PI4KA: variants seen among roughly 807,000 people sequenced by gnomAD.
PI4KA encodes the protein phosphatidylinositol 4-kinase alpha, also known as PI4-kinase alpha.
Under a neutral mutation model 271.4 loss-of-function variants are expected in PI4KA, and 122 were observed. That is an observed-to-expected ratio of 0.45 (90% CI 0.39 to 0.52). PI4KA has a LOEUF of 0.52. Ranked by LOEUF, PI4KA falls within the 20% of genes least tolerant of loss-of-function variation. The pLI, the probability that PI4KA is intolerant of heterozygous loss-of-function variation, is 0.00. For missense variants in PI4KA, 1,969 were observed against 2,769.1 expected, an observed-to-expected ratio of 0.71 and a Z score of 6.48; for synonymous variants, 1,041 against 1,078.8, an observed-to-expected ratio of 0.96 and a Z score of 0.69.
rs768544870 is a variant in PI4KA at position 20,805,145 on chromosome 22, T to G, written c.1189A>C (p.Lys397Gln). 1 of 1,613,822 alleles carries G rather than the reference T, an allele frequency of 6.2e-7. No individual in the cohort carries two copies. The highest frequency in any genetic ancestry group is 1.7e-5 in the Admixed American group (1 of 60,014). Residue 397 changes from lysine to glutamine, a missense_variant, in exon 11 of 55, where the codon AAG becomes CAG. By Grantham distance (53) the Lys-to-Gln change is moderately conservative. Around this residue, in one of 13 missense-constraint regions of PI4KA, gnomAD observed 540 missense variants for 555.5 expected, o/e 0.97. Transcript: ENST00000255882. ...TCCAGCACAAAATCATGGATCTCCTTCACAAAAGAGGTCGGGAGGTCTGTA... is the reference window on the plus strand; with the variant it reads ...TCCAGCACAAAATCATGGATCTCCTGCACAAAAGAGGTCGGGAGGTCTGTA... ...YMKDLPTSFVKEIHDFVLEQF... is the reference protein window; with the variant it reads ...YMKDLPTSFVQEIHDFVLEQF...
chr22:20,835,358 A>G (rs1210801107), intron 2 of PI4KA, among the ~76,000 whole-genome samples: 1 of 152,206 alleles, frequency 6.6e-6, no homozygotes, highest in African/African-American at 2.4e-5. Context: ...TCCAGAGAAG[A>G]AGTGTGCTCT....
chr22:20,785,961 T>G, intron 19 of PI4KA: 1 of 1,613,852 alleles, frequency 6.2e-7, no homozygotes, highest in Non-Finnish European at 8.5e-7. Context: ...TTTTGTAACT[T>G]GTGGTTCAAT....
At chr22:20,716,906 C>T (rs1926070070) in intron 45 of PI4KA, among the ~76,000 whole-genome samples, 1 of 152,228 alleles carries the variant, frequency 6.6e-6, no homozygotes, top group South Asian at 2.1e-4. Flanking sequence ...CTGTGAACAT[C>T]TGCACAGGAC....
chr22:20,774,773 AAAG>A (rs1308045963), intron 19 of PI4KA, among the ~76,000 whole-genome samples: 1 of 151,732 alleles, frequency 6.6e-6, no homozygotes, highest in Non-Finnish European at 1.5e-5. Flanking sequence ...AAAAAAAAAA[AAAG>A]AAGAAAAAAG....
intron 22 of PI4KA, among the ~76,000 whole-genome samples, chr22:20,761,812 A>G (rs898223880): frequency 6.6e-6 from 1 of 152,230 alleles, no homozygotes; most frequent in Non-Finnish European, 1.5e-5. Flanking sequence ...GAAAAAAGGA[A>G]GGTGCAGGGA....
Position 20,798,615 on chromosome 22 carries a change from C to T in PI4KA, c.2077G>A (p.Ala693Thr). 1 of 1,612,984 alleles carries T rather than the reference C, an allele frequency of 6.2e-7. No homozygotes were observed. Among genetic ancestry groups the T allele is most frequent in the Non-Finnish European group, 8.5e-7 (1 of 1,178,968 alleles). Residue 693 changes from alanine (A) to threonine (T), a missense_variant, in exon 17 of 55, where the codon GCC (alanine) becomes ACC (threonine). Transcript: ENST00000255882. ...CCGTGGTCCTTGTAATCTTTGGTGG[C>T]TGAGTATACAACGGAGCTGGCCTTC... ...SVKASSVVYS[A>T]TKDYKDHGYR...
intron 19 of PI4KA, among the ~76,000 whole-genome samples, chr22:20,773,190 A>C (rs1484836574): frequency 6.6e-6 from 1 of 152,162 alleles, no homozygotes; most frequent in Non-Finnish European, 1.5e-5. Context: ...GTTCAACACC[A>C]GCCTGGCCAA....
intron 42 of PI4KA, among the ~76,000 whole-genome samples, chr22:20,724,722 G>A (rs1432917696): frequency 2.0e-5 from 3 of 152,146 alleles, no homozygotes; most frequent in Admixed American, 6.5e-5. Context: ...CATTTCAGGC[G>A]GCCTTTCTCT....
intron 43 of PI4KA, among the ~76,000 whole-genome samples, chr22:20,719,996 A>T (rs1926511677): frequency 7.1e-6 from 1 of 139,952 alleles, no homozygotes; most frequent in Admixed American, 8.0e-5. Context: ...ACTGCACTCC[A>T]GCCTGGGCGA....
In PI4KA at chr22:20,712,114, G is replaced by A. The variant is rs191514905; in HGVS notation, c.5802+372C>T. 5.6e-3 allele frequency among the ~76,000 whole-genome samples: 832 copies of A among 148,844 alleles called. 5 individuals carry two copies. The highest frequency in any genetic ancestry group is 0.019 in the African/African-American group (768 of 40,166). On this transcript the variant is annotated intron_variant, in intron 50 of 54. Transcript: ENST00000255882. ...ACTCTGTTGCCCAGGCTGGAGTGCA[G>A]TGGCGCAATCTTGGCTCACAGCAAC... is the stretch of plus-strand genomic sequence containing the variant.
At chr22:20,739,172 C>G in intron 32 of PI4KA, among the ~76,000 whole-genome samples, 1 of 150,570 alleles carries the variant, frequency 6.6e-6, no homozygotes, top group East Asian at 2.0e-4. Flanking sequence ...AGTGAAACCC[C>G]GTCTCTACTA....
rs139477859 is a variant in PI4KA, at chr22:20,801,868, A to G, written c.1724+105T>C. On this transcript the variant is annotated intron_variant, in intron 14 of 54. Transcript: ENST00000255882. ...GCCACTGCATTCCAGCCTGGGCAAC[A>G]GAGCGAGACTCAATCTCAAAAAAGA... 810 of 1,254,102 alleles carry G rather than the reference A, an allele frequency of 6.5e-4. 2 individuals carry two copies. The African/African-American group carries it at 0.011, about 17-fold the overall frequency. The allele number at this position is 1,254,102 out of a possible 1,614,324, so 77.7% of individuals were successfully genotyped here. A position where few individuals can be genotyped will look rare whatever the true frequency, so the allele number is the denominator to read the frequency against.
chr22:20,780,047 T>G, intron 19 of PI4KA: 1 of 1,614,178 alleles, frequency 6.2e-7, no homozygotes. Context: ...AGTATTACTT[T>G]GCTGAGGCCC....
rs781144233 is a variant in PI4KA, at chr22:20,742,682, G to A, written c.3539C>T (p.Ala1180Val). 1.2e-6 allele frequency: 2 copies of A among 1,613,998 alleles called. No homozygotes were observed. The highest frequency in any genetic ancestry group is 1.3e-5 in the African/African-American group (1 of 74,910). ...NKMMVQDLHSALDRSHPQHYT... is the reference protein window; with the variant it reads ...NKMMVQDLHSVLDRSHPQHYT... The stretch of plus-strand genomic sequence containing the variant: ...GTGCTGAGGATGACTGCGGTCTAAA[G>A]CTGAATGTAGATCCTGGACCATCAT... The change falls in exon 31 of 55, where the codon GCT becomes GTT. Residue 1180 changes from alanine (A) to valine (V), a missense_variant. Coordinates refer to ENST00000255882, the MANE Select transcript of PI4KA (RefSeq NM_058004.4).
intron 9 of PI4KA, among the ~76,000 whole-genome samples, chr22:20,810,218 G>C (rs1472582757): frequency 6.6e-6 from 1 of 152,018 alleles, no homozygotes; most frequent in African/African-American, 2.4e-5. Context: ...TTAAAGACAA[G>C]AGTTCCAGCC....
Position 20,714,640 on chromosome 22 carries a change from G to T in PI4KA, c.5378C>A (p.Thr1793Asn), listed in dbSNP as rs1327406709. The change falls in exon 46 of 55, where the codon ACC becomes AAC. Residue 1793 changes from threonine (T) to asparagine (N), a missense_variant. Around this residue, in one of 13 missense-constraint regions of PI4KA, gnomAD observed 388 missense variants for 521.5 expected, o/e 0.74. Transcript: ENST00000255882. ...GTGAGGCGCCCACCTCTGCATCGGGGTCCCAGACTTGTAGTCGATGTCCAG... is the reference window on the plus strand; with the variant it reads ...GTGAGGCGCCCACCTCTGCATCGGGTTCCCAGACTTGTAGTCGATGTCCAG... Reference protein sequence around the residue: ...IVLDIDYKSGTPMQSAAKAPY... With the variant: ...IVLDIDYKSGNPMQSAAKAPY... The T allele has an allele frequency of 1.9e-6, 3 of 1,614,016 alleles. No individual in the cohort carries two copies. The highest frequency in any genetic ancestry group is 2.5e-6 in the Non-Finnish European group (3 of 1,179,872).
intron 1 of PI4KA, among the ~76,000 whole-genome samples, chr22:20,857,933 T>A (rs913839842): frequency 3.3e-5 from 5 of 152,216 alleles, no homozygotes; most frequent in Admixed American, 1.3e-4. Flanking sequence ...TTCACTTCTC[T>A]GCCCACTGAC....
At chr22:20,755,813 A>G (rs1373497226) in intron 23 of PI4KA, among the ~76,000 whole-genome samples, 5 of 152,112 alleles carry the variant, frequency 3.3e-5, no homozygotes, top group East Asian at 1.9e-4. Context: ...TAAAAAAAAA[A>G]AAAAGAAAAG....
intron 42 of PI4KA, 154 bp downstream of exon 42, chr22:20,726,334 A>G: frequency 3.6e-6 from 2 of 561,024 alleles, no homozygotes; most frequent in Admixed American, 4.3e-5. Context: ...GGACAATCAC[A>G]GGGCCTGGGG....
Sources: allele counts gnomAD v4.1 joint callset (sites outside exome capture counted in the v4.1 genomes callset), GRCh38; gene constraint gnomAD v4.1.1; regional missense constraint gnomAD v4.1.1; transcripts MANE v1.5; gene names NCBI Gene and HGNC (gene_info 2026-07-23, HGNC 2026-07-21).